The following XPO6 variants were observed in gnomAD, a reference collection of about 807,000 sequenced individuals.
XPO6 encodes the protein exportin-6.
In XPO6, 3 loss-of-function variants were observed where a neutral mutation model predicts 130.0. That is an observed-to-expected ratio of 0.02 (90% confidence interval 0.01 to 0.06). The LOEUF is 0.06. XPO6 is among the 10% of genes least tolerant of loss of function. The probability of loss-of-function intolerance (pLI) is 1.00; values close to 1 mark genes in which losing one functional copy is unlikely to be tolerated. For synonymous variants in XPO6, 524 were observed against 548.9 expected (o/e 0.95, Z 0.63); for missense variants, 970 against 1,393.0 (o/e 0.70, Z 4.83).
chr16:28,203,047 C>T (rs186136110), intron 1 of XPO6, among the ~76,000 whole-genome samples: 2 of 152,188 alleles, frequency 1.3e-5, no homozygotes, highest in Admixed American at 6.5e-5. Context: ...AGGCTGAGGC[C>T]GGAGGATCAC....
At chr16:28,161,140 T>G (rs1205616280) in intron 6 of XPO6, among the ~76,000 whole-genome samples, 4 of 152,370 alleles carry the variant, frequency 2.6e-5, no homozygotes, top group Non-Finnish European at 1.5e-5. Flanking sequence ...GATTAAAGTC[T>G]GATGAATAGT....
chr16:28,147,719 G>A (rs1312816677), intron 8 of XPO6, among the ~76,000 whole-genome samples: 1 of 152,228 alleles, frequency 6.6e-6, no homozygotes, highest in Non-Finnish European at 1.5e-5. Flanking sequence ...GCCCAGGCGG[G>A]TGGATCTCTT....
rs530901385 is a variant in XPO6, at chr16:28,211,517, C to T, written c.-149G>A. Reference sequence around the variant, plus strand: ...CTTCCCCACCGGGCCCCGAGGGGACCCTCTAAAAAGGGCAGGGCCGCCCGG... The same window carrying T: ...CTTCCCCACCGGGCCCCGAGGGGACTCTCTAAAAAGGGCAGGGCCGCCCGG... On this transcript the variant is annotated 5_prime_UTR_variant, in exon 1 of 24. Transcript: ENST00000304658. 26 of 986,928 alleles carry T rather than the reference C, an allele frequency of 2.6e-5. No homozygotes were observed. The African/African-American group carries it at 4.2e-4, about 16-fold the overall frequency. 61.1% of individuals were successfully genotyped at this position (986,928 alleles called of 1,614,324 possible). A position where few individuals can be genotyped will look rare whatever the true frequency, so the allele number is the denominator to read the frequency against.
At chr16:28,140,676 C>CA (rs869289553) in intron 9 of XPO6, among the ~76,000 whole-genome samples, 1,768 of 80,842 alleles carry the variant, frequency 0.022, 35 homozygotes, top group African/African-American at 0.067. Context: ...GACCCCGTCT[C>CA]AAAAAAAAAA....
Position 28,135,336 on chromosome 16 carries a change from G to A in XPO6, c.1335-12C>T, listed in dbSNP as rs754259977. On this transcript the variant is annotated splice_polypyrimidine_tract_variant and intron_variant, in intron 9 of 23. Coordinates refer to ENST00000304658, the MANE Select transcript of XPO6 (RefSeq NM_015171.4). ...GGGCATCTTCGTACCTATGTGGCAG[G>A]GAGAAATTCAACATTGAAAGGAGGC... 6.2e-7 allele frequency: 1 copy of A among 1,610,714 alleles called. No individual in the cohort carries two copies. The highest frequency in any genetic ancestry group is 1.3e-5 in the African/African-American group (1 of 74,798).
At chr16:28,205,012 T>C (rs2044005545) in intron 1 of XPO6, among the ~76,000 whole-genome samples, 1 of 152,066 alleles carries the variant, frequency 6.6e-6, no homozygotes, top group Non-Finnish European at 1.5e-5. Context: ...CTGTGAACTA[T>C]GGTCACTCCA....
intron 9 of XPO6, among the ~76,000 whole-genome samples, chr16:28,137,705 A>AT (rs1346453756): frequency 2.0e-5 from 3 of 151,690 alleles, no homozygotes; most frequent in Non-Finnish European, 4.4e-5. Context: ...TTATTTACTT[A>AT]TTTTTTAACA....
At chr16:28,194,693 C>T (rs1053737941) in intron 1 of XPO6, among the ~76,000 whole-genome samples, 3 of 151,974 alleles carry the variant, frequency 2.0e-5, no homozygotes, top group Admixed American at 2.0e-4. Context: ...GAAAGTTTTT[C>T]GGGGGTAAAA....
At chr16:28,186,374 C>CTTTCTTTTTTTTTTTTTTTT (rs2043693769) in intron 1 of XPO6, among the ~76,000 whole-genome samples, 1 of 81,442 alleles carries the variant, frequency 1.2e-5, no homozygotes, top group East Asian at 3.1e-4. Flanking sequence ...CCCAGTTATT[C>CTTTCTTTTTTTTTTTTTTTT]TTTTTTTTTT....
At chr16:28,189,339 A>G (rs78502472) in intron 1 of XPO6, among the ~76,000 whole-genome samples, 2,397 of 152,014 alleles carry the variant, frequency 0.016, 35 homozygotes, top group African/African-American at 0.047. Context: ...AAAGTGGTGA[A>G]GCCCACTGAC....
At chr16:28,126,216 G>A (rs939147227) in intron 12 of XPO6, among the ~76,000 whole-genome samples, 3 of 152,182 alleles carry the variant, frequency 2.0e-5, no homozygotes, top group African/African-American at 4.8e-5. Flanking sequence ...TGCCAAGCAC[G>A]TGTCACATTT....
chr16:28,135,817 T>C (rs565986540), intron 9 of XPO6, among the ~76,000 whole-genome samples: 1 of 152,316 alleles, frequency 6.6e-6, no homozygotes, highest in East Asian at 1.9e-4. Flanking sequence ...ATGTAATTAC[T>C]GATAAGGAAG....
At chr16:28,129,715 T>C (rs2042628729) in intron 12 of XPO6, among the ~76,000 whole-genome samples, 1 of 152,154 alleles carries the variant, frequency 6.6e-6, no homozygotes, top group Non-Finnish European at 1.5e-5. Context: ...TCATAAATCA[T>C]AAACGGACCC....
chr16:28,139,324 G>A (rs1358323754), intron 9 of XPO6, among the ~76,000 whole-genome samples: 1 of 152,204 alleles, frequency 6.6e-6, no homozygotes, highest in Non-Finnish European at 1.5e-5. Flanking sequence ...CCAGCATCTT[G>A]AAGTGGAACT....
intron 23 of XPO6, among the ~76,000 whole-genome samples, chr16:28,100,282 G>A (rs561328667): frequency 2.0e-5 from 3 of 152,312 alleles, no homozygotes; most frequent in South Asian, 2.1e-4. Flanking sequence ...GAGACACCGC[G>A]CCTGGCCTAT....
chr16:28,118,780 G>C (rs1246936569), intron 14 of XPO6, among the ~76,000 whole-genome samples: 3 of 152,084 alleles, frequency 2.0e-5, no homozygotes, highest in Non-Finnish European at 4.4e-5. Context: ...TTTCAAGCTG[G>C]GTCCTGCATC....
chr16:28,167,003 T>G (rs1308931712), intron 5 of XPO6: 68 of 582,554 alleles, frequency 1.2e-4, no homozygotes, highest in Non-Finnish European at 1.4e-4. Flanking sequence ...TCACTATTAC[T>G]TCCATCCTCT....
At chr16:28,186,672 ATT>A (rs35690546) in intron 1 of XPO6, among the ~76,000 whole-genome samples, 7 of 140,836 alleles carry the variant, frequency 5.0e-5, no homozygotes, top group Non-Finnish European at 4.6e-5. Context: ...ATTCAGCCTA[ATT>A]TTTTTTTTTT....
intron 1 of XPO6, 32 bp downstream of exon 1, chr16:28,211,334 C>G: frequency 7.6e-7 from 1 of 1,311,914 alleles, no homozygotes; most frequent in Non-Finnish European, 9.8e-7. Context: ...GTAGGGCACC[C>G]CAGGAGGGAA....
Sources: gnomAD v4.1 joint callset for allele counts (sites outside exome capture counted in the v4.1 genomes callset) on GRCh38, gnomAD v4.1.1 for gene constraint, MANE v1.5 for transcripts, NCBI Gene and HGNC (gene_info 2026-07-23, HGNC 2026-07-21) for gene names.